Variants in PTPRD observed in about 807,000 individuals in gnomAD.
PTPRD encodes receptor-type tyrosine-protein phosphatase delta.
In PTPRD, 34 loss-of-function variants were observed where a neutral mutation model predicts 214.5. The ratio of observed to expected loss-of-function variants is 0.16; its 90% CI spans 0.12 to 0.21. The LOEUF is 0.21. Among genes scored for constraint, PTPRD ranks in the 10% least tolerant of loss-of-function variants. The pLI is 1.00. For synonymous variants in PTPRD, 1,128 were observed against 845.7 expected, an observed-to-expected ratio of 1.33 and a Z score of -5.79; for missense variants, 2,545 against 2,398.7, an observed-to-expected ratio of 1.06 and a Z score of -1.27.
intron 11 of PTPRD, among the ~76,000 whole-genome samples, chr9:9,007,751 G>A (rs1348839981): frequency 2.3e-5 from 3 of 127,670 alleles, no homozygotes; most frequent in African/African-American, 5.5e-5. Flanking sequence ...TTTCATTGTG[G>A]TTTACACCCC....
At chr9:8,599,960 C>G (rs10977227) in intron 14 of PTPRD, among the ~76,000 whole-genome samples, 5,907 of 152,164 alleles carry the variant, frequency 0.039, 276 homozygotes, top group East Asian at 0.17. Flanking sequence ...AGTGAGCACT[C>G]GCAGTGCCTA....
intron 10 of PTPRD, among the ~76,000 whole-genome samples, chr9:9,028,257 T>A (rs1418650514): frequency 6.6e-6 from 1 of 151,996 alleles, no homozygotes; most frequent in South Asian, 2.1e-4. Flanking sequence ...TTGTTGAAGC[T>A]CACTAAATTA....
intron 2 of PTPRD, among the ~76,000 whole-genome samples, chr9:10,400,541 T>C (rs898060566): frequency 2.0e-5 from 3 of 151,566 alleles, no homozygotes; most frequent in African/African-American, 7.3e-5. Flanking sequence ...AAAAATGAAA[T>C]AAATCTGTAA....
At chr9:8,934,294 A>C (rs1020239290) in intron 11 of PTPRD, among the ~76,000 whole-genome samples, 3 of 149,288 alleles carry the variant, frequency 2.0e-5, no homozygotes, top group African/African-American at 7.4e-5. Flanking sequence ...TTCAGTTCCA[A>C]CTTGAACTAC....
chr9:8,858,765 G>C (rs547378595), intron 11 of PTPRD, among the ~76,000 whole-genome samples: 1 of 150,726 alleles, frequency 6.6e-6, no homozygotes, highest in East Asian at 2.0e-4. Context: ...GGATAAAGGA[G>C]GGGCAGGCAG....
intron 9 of PTPRD, among the ~76,000 whole-genome samples, chr9:9,362,152 A>G (rs2056398831): frequency 6.6e-6 from 1 of 151,102 alleles, no homozygotes; most frequent in Admixed American, 6.6e-5. Flanking sequence ...TCAGTAACAC[A>G]GGGAGGGCAT....
At chr9:9,795,194 G>A (rs896297705) in intron 5 of PTPRD, among the ~76,000 whole-genome samples, 1 of 152,164 alleles carries the variant, frequency 6.6e-6, no homozygotes, top group Non-Finnish European at 1.5e-5. Flanking sequence ...CTGTCCTATG[G>A]TGTTGGAAAG....
chr9:8,721,926 C>G (rs2098503532), intron 12 of PTPRD, among the ~76,000 whole-genome samples: 1 of 152,202 alleles, frequency 6.6e-6, no homozygotes, highest in Non-Finnish European at 1.5e-5. Flanking sequence ...TGTTCCAAAG[C>G]TTTCACAAGC....
At chr9:10,080,348 A>G (rs1255297742) in intron 3 of PTPRD, among the ~76,000 whole-genome samples, 1 of 152,168 alleles carries the variant, frequency 6.6e-6, no homozygotes, top group East Asian at 1.9e-4. Flanking sequence ...TTATTAGACT[A>G]AATGTGAAAT....
Position 9,863,870 on chromosome 9 carries a change from C to G in PTPRD, c.-368+74637G>C, listed in dbSNP as rs1029971633. Among the ~76,000 whole-genome samples, 10 of 151,666 alleles carry G rather than the reference C, an allele frequency of 6.6e-5. No individual in the cohort carries two copies. The East Asian group carries it at 1.4e-3, about 21-fold the overall frequency. Reference sequence around the variant, plus strand: ...AAAAAAGCAGTACAAAGAAATGGACCCAAAGATTTGATTGAACTATACCTG... The same window carrying G: ...AAAAAAGCAGTACAAAGAAATGGACGCAAAGATTTGATTGAACTATACCTG... On this transcript the variant is annotated intron_variant, in intron 5 of 45. Transcript: ENST00000381196.
intron 11 of PTPRD, among the ~76,000 whole-genome samples, chr9:8,897,738 G>C (rs1028774891): frequency 2.0e-5 from 3 of 152,150 alleles, no homozygotes; most frequent in Non-Finnish European, 4.4e-5. Context: ...GGCAACCTGA[G>C]ATATGGGGGG....
At chr9:10,572,231 G>C (rs993498456) in intron 2 of PTPRD, among the ~76,000 whole-genome samples, 1 of 152,028 alleles carries the variant, frequency 6.6e-6, no homozygotes, top group East Asian at 1.9e-4. Flanking sequence ...GCTATATAGG[G>C]AAATACAATA....
At chr9:9,698,150 C>A (rs2097419007) in intron 7 of PTPRD, among the ~76,000 whole-genome samples, 1 of 152,176 alleles carries the variant, frequency 6.6e-6, no homozygotes, top group African/African-American at 2.4e-5. Context: ...TCACTGGCTC[C>A]TTACTTTGTA....
chr9:10,346,141 T>C (rs1205734631), intron 2 of PTPRD, among the ~76,000 whole-genome samples: 2 of 152,186 alleles, frequency 1.3e-5, no homozygotes, highest in Admixed American at 1.3e-4. Flanking sequence ...GATTCTAAGC[T>C]CAAAATGCTT....
chr9:9,861,478 G>A (rs905719346), intron 5 of PTPRD, among the ~76,000 whole-genome samples: 3 of 152,102 alleles, frequency 2.0e-5, no homozygotes, highest in African/African-American at 4.8e-5. Context: ...TTTTAGTAGA[G>A]ATGGGGTTTC....
At chr9:8,726,026 GAC>G (rs71500962) in intron 12 of PTPRD, among the ~76,000 whole-genome samples, 23,734 of 139,132 alleles carry the variant, frequency 0.17, 2,195 homozygotes, top group Non-Finnish European at 0.21. Flanking sequence ...CAGACAGACA[GAC>G]ACACACACAC....
intron 3 of PTPRD, among the ~76,000 whole-genome samples, chr9:10,068,651 T>G (rs1214109999): frequency 1.3e-5 from 2 of 151,890 alleles, no homozygotes; most frequent in Non-Finnish European, 2.9e-5. Context: ...TAGAAACTGG[T>G]GTAACCACAA....
chr9:9,853,799 G>A lies in PTPRD; in HGVS notation c.-368+84708C>T, dbSNP rs891120268. On this transcript the variant is annotated intron_variant, in intron 5 of 45. Coordinates refer to ENST00000381196, the MANE Select transcript of PTPRD (RefSeq NM_002839.4). ...TCTCAATTTCTTGACCTCATGATCC[G>A]CCCGCCTCAGCCTCCCAAAGTGCTG... 7.2e-5 allele frequency among the ~76,000 whole-genome samples: 11 copies of A among 152,110 alleles called. No individual in the cohort carries two copies. The South Asian group carries it at 1.0e-3, about 14-fold the overall frequency.
In PTPRD at chr9:8,486,185, C is replaced by G. The variant is rs2135960279; in HGVS notation, c.2632G>C (p.Asp878His). ...LTTLEFSEKE[D>H]HFTATDIHKG... ...TGGATGTCTGTAGCTGTAAAGTGAT[C>G]TTCTTTTTCAGAGAACTCAAGAGTA... is the stretch of plus-strand genomic sequence containing the variant. Residue 878 changes from aspartate to histidine, a missense_variant, in exon 28 of 46, where the codon GAT becomes CAT. By Grantham distance (81) the Asp-to-His change is moderately conservative (BLOSUM62 -1). Coordinates refer to ENST00000381196, the MANE Select transcript of PTPRD (RefSeq NM_002839.4). 1 of 1,614,180 alleles carries G rather than the reference C, an allele frequency of 6.2e-7. No homozygotes were observed. The highest frequency in any genetic ancestry group is 8.5e-7 in the Non-Finnish European group (1 of 1,180,026).
Sources: gnomAD v4.1 joint callset for allele counts (sites outside exome capture counted in the v4.1 genomes callset) on GRCh38, gnomAD v4.1.1 for gene constraint, MANE v1.5 for transcripts, NCBI Gene and HGNC (gene_info 2026-07-23, HGNC 2026-07-21) for gene names.